SH3D19: variants seen among roughly 807,000 people sequenced by gnomAD.
SH3D19 encodes SH3 domain containing 19.
SH3D19 carries 58 observed loss-of-function variants against 112.1 expected under a neutral mutation model. The ratio of observed to expected loss-of-function variants is 0.52; its 90% CI spans 0.42 to 0.64. The LOEUF (loss-of-function observed/expected upper bound fraction) is 0.64. SH3D19 is among the 30% of genes least tolerant of loss of function. The pLI, the probability that SH3D19 is intolerant of heterozygous loss-of-function variation, is 0.00. For missense variants in SH3D19, 1,090 were observed against 1,263.4 expected, an observed-to-expected ratio of 0.86 and a Z score of 2.08; for synonymous variants, 391 against 448.5, an observed-to-expected ratio of 0.87 and a Z score of 1.62.
chr4:151,275,296 C>T (rs779087225), intron 1 of SH3D19, among the ~76,000 whole-genome samples: 4 of 152,068 alleles, frequency 2.6e-5, no homozygotes, highest in Admixed American at 6.5e-5. Context: ...ACTGTGTTAG[C>T]CAGGATGGTC....
intron 8 of SH3D19, among the ~76,000 whole-genome samples, chr4:151,160,776 G>A (rs965565490): frequency 2.0e-5 from 3 of 150,388 alleles, no homozygotes; most frequent in Non-Finnish European, 4.4e-5. Flanking sequence ...TGTTTTATCC[G>A]CAGACAGGAC....
intron 9 of SH3D19, among the ~76,000 whole-genome samples, chr4:151,152,516 CTTT>C (rs1177292502): frequency 1.2e-4 from 15 of 127,248 alleles, no homozygotes; most frequent in African/African-American, 4.4e-4. Flanking sequence ...CTCTCTCTCT[CTTT>C]TTTTTTTTTT....
chr4:151,206,924 C>T (rs1449380970), intron 2 of SH3D19, among the ~76,000 whole-genome samples: 1 of 152,300 alleles, frequency 6.6e-6, no homozygotes, highest in African/African-American at 2.4e-5. Context: ...CACTGGCATA[C>T]CTGGCCAGTG....
chr4:151,175,244 AC>A lies in SH3D19; in HGVS notation c.959del (p.Arg320LeufsTer16), dbSNP rs1723229136. The A allele has an allele frequency of 6.2e-7, 1 of 1,614,090 alleles. No homozygotes were observed. The highest frequency in any genetic ancestry group is 1.7e-5 in the Admixed American group (1 of 60,014). ...AAACAGTAGGCTTTGGAGGAAGTGAACGTGGAGTAATTTCTGGTTTCTTGGG... is the reference window on the plus strand; with the variant it reads ...AAACAGTAGGCTTTGGAGGAAGTGAAGTGGAGTAATTTCTGGTTTCTTGGG... Reference protein sequence around the residue: ...GLPKKPEITPRSLPPKPTVSS... With the variant: ...GLPKKPEITPXSLPPKPTVSS... On this transcript the variant is annotated frameshift_variant, in exon 7 of 20. Coordinates refer to ENST00000604030, the MANE Select transcript of SH3D19 (RefSeq NM_001378122.1). LOFTEE classifies it high-confidence loss of function.
intron 11 of SH3D19, among the ~76,000 whole-genome samples, chr4:151,146,457 A>T (rs910172873): frequency 2.0e-5 from 3 of 149,974 alleles, no homozygotes. Context: ...TGGCCTCCTT[A>T]TCATTTTTAT....
At chr4:151,259,417 G>A (rs1247080560) in intron 1 of SH3D19, 5 of 152,370 alleles carry the variant, frequency 3.3e-5, no homozygotes, top group African/African-American at 4.8e-5. Context: ...GGAGGGGTGA[G>A]GGTGGAGGGG....
intron 1 of SH3D19, among the ~76,000 whole-genome samples, chr4:151,293,467 C>T (rs868026663): frequency 2.7e-5 from 4 of 147,214 alleles, no homozygotes; most frequent in Admixed American, 6.7e-5. Context: ...AGCAAGACTC[C>T]GTCTCCAAAA....
chr4:151,167,683 C>G (rs1336477600), intron 7 of SH3D19, among the ~76,000 whole-genome samples: 1 of 151,940 alleles, frequency 6.6e-6, no homozygotes, highest in Non-Finnish European at 1.5e-5. Context: ...TGTCTCTGCC[C>G]GACCGCCGCC....
chr4:151,316,433 A>C (rs1729987616), intron 1 of SH3D19, among the ~76,000 whole-genome samples: 2 of 152,210 alleles, frequency 1.3e-5, no homozygotes, highest in South Asian at 4.1e-4. Context: ...ATGGAGTTTA[A>C]TCATACATCA....
At chr4:151,204,847 G>A (rs1175197122) in intron 2 of SH3D19, among the ~76,000 whole-genome samples, 7 of 151,974 alleles carry the variant, frequency 4.6e-5, no homozygotes, top group Non-Finnish European at 7.4e-5. Flanking sequence ...TTGAGACAGA[G>A]TCTCACTTTG....
rs66688611 is a variant in SH3D19, at chr4:151,125,845, C to CAAAAAA, written c.3027+1767_3027+1772dup. On this transcript the variant is annotated intron_variant, in intron 19 of 19. Coordinates refer to ENST00000604030, the MANE Select transcript of SH3D19 (RefSeq NM_001378122.1). ...ACAGAGCGAGACTCCATCTCAAAAA[C>CAAAAAA]AAAAAAAAAAAAAAAAAAAAAGAAA... Among the ~76,000 whole-genome samples, 596 of 94,092 alleles carry CAAAAAA rather than the reference C, an allele frequency of 6.3e-3. 6 individuals are homozygous for CAAAAAA. The highest frequency in any genetic ancestry group is 0.019 in the Middle Eastern group (2 of 108). 61.7% of individuals were successfully genotyped at this position (94,092 alleles called of 152,430 possible). A position where few individuals can be genotyped will look rare whatever the true frequency, so the allele number is the denominator to read the frequency against.
intron 9 of SH3D19, among the ~76,000 whole-genome samples, chr4:151,157,535 T>C (rs1251815455): frequency 6.6e-6 from 1 of 151,736 alleles, no homozygotes; most frequent in Non-Finnish European, 1.5e-5. Flanking sequence ...GGATGGAAGC[T>C]CCTCAAAAAA....
chr4:151,258,502 G>T (rs1455271074), intron 1 of SH3D19, among the ~76,000 whole-genome samples: 1 of 152,230 alleles, frequency 6.6e-6, no homozygotes, highest in East Asian at 1.9e-4. Context: ...AGGGAAGTGT[G>T]TGAACTTAGA....
chr4:151,174,544 T>C (rs1759605345), intron 7 of SH3D19, 126 bp downstream of exon 7: 1 of 741,912 alleles, frequency 1.3e-6, no homozygotes, highest in Non-Finnish European at 2.0e-6. Flanking sequence ...TACACACACA[T>C]GCATGTGCAC....
chr4:151,143,872 T>A, intron 12 of SH3D19, 38 bp downstream of exon 12: 1 of 1,579,758 alleles, frequency 6.3e-7, no homozygotes, highest in Non-Finnish European at 8.6e-7. Context: ...TGTGCTGCTA[T>A]GTGTGATATG....
chr4:151,244,404 G>A (rs928358878), intron 1 of SH3D19, among the ~76,000 whole-genome samples: 1 of 152,222 alleles, frequency 6.6e-6, no homozygotes, highest in African/African-American at 2.4e-5. Flanking sequence ...CCAAGGAAAA[G>A]AGAATCTGCA....
intron 1 of SH3D19, among the ~76,000 whole-genome samples, chr4:151,314,287 C>T (rs1729779422): frequency 6.6e-6 from 1 of 152,154 alleles, no homozygotes. Context: ...AATAACAAAA[C>T]CAGAAAACTA....
At chr4:151,283,509 T>C (rs1283454698) in intron 1 of SH3D19, among the ~76,000 whole-genome samples, 2 of 8,554 alleles carry the variant, frequency 2.3e-4, no homozygotes, top group Middle Eastern at 0.05. Flanking sequence ...GTCATTGGAC[T>C]TTTTTTTTTT....
chr4:151,322,691 A>C (rs1184761323), intron 1 of SH3D19, among the ~76,000 whole-genome samples: 1 of 152,192 alleles, frequency 6.6e-6, no homozygotes. Flanking sequence ...TCATTTTAAA[A>C]ACACACACAC....
Sources: gnomAD v4.1 joint callset for allele counts (sites outside exome capture counted in the v4.1 genomes callset) on GRCh38, gnomAD v4.1.1 for gene constraint, MANE v1.5 for transcripts, NCBI Gene and HGNC (gene_info 2026-07-23, HGNC 2026-07-21) for gene names.